BIRC6: variants seen among roughly 807,000 people sequenced by gnomAD.
BIRC6 encodes baculoviral IAP repeat containing 6.
In BIRC6, 98 loss-of-function variants were observed where a neutral mutation model predicts 503.3. The observed-to-expected ratio is 0.19, with a 90% CI of 0.17 to 0.23. BIRC6 has a LOEUF of 0.23. BIRC6 is among the 10% of genes least tolerant of loss of function. BIRC6 has a pLI of 1.00. For missense variants in BIRC6, 5,360 were observed against 5,806.0 expected (o/e 0.92, Z 2.50); for synonymous variants, 2,240 against 2,078.7 (o/e 1.08, Z -2.11).
At chr2:32,493,395 C>A (rs1193642939) in intron 44 of BIRC6, 145 bp from the exon 45 acceptor site, 2 of 620,716 alleles carry the variant, frequency 3.2e-6, no homozygotes, top group Non-Finnish European at 5.1e-6. Flanking sequence ...AATTCATTTC[C>A]TGCTATCATT....
chr2:32,453,846 A>G lies in BIRC6; in HGVS notation c.4657A>G (p.Ser1553Gly). ...KVSSCTAAEG[S>G]FTSLTGLLEV... The stretch of plus-strand genomic sequence containing the variant: ...CAGTAGTTGCACAGCTGCTGAGGGT[A>G]GTTTCACATCTCTCACTGGACTTTT... The change falls in exon 23 of 74, where the codon AGT becomes GGT. Residue 1553 changes from serine to glycine, a missense_variant. Ser to Gly is a moderately conservative substitution (Grantham distance 56, BLOSUM62 0). Transcript: ENST00000421745. 1.2e-6 allele frequency: 2 copies of G among 1,613,794 alleles called. No homozygotes were observed. Among genetic ancestry groups the G allele is most frequent in the Non-Finnish European group, 1.7e-6 (2 of 1,179,726 alleles).
At chr2:32,535,539 G>A (rs938624674) in intron 61 of BIRC6, among the ~76,000 whole-genome samples, 6 of 152,256 alleles carry the variant, frequency 3.9e-5, no homozygotes. Context: ...CCACCTATGA[G>A]TGAGAACATG....
chr2:32,559,277 G>T (rs1370735769), intron 65 of BIRC6, among the ~76,000 whole-genome samples: 2 of 152,212 alleles, frequency 1.3e-5, no homozygotes, highest in African/African-American at 4.8e-5. Flanking sequence ...TCACTTGCCT[G>T]GTTGTAAGCT....
intron 33 of BIRC6, among the ~76,000 whole-genome samples, chr2:32,474,419 C>G (rs770667373): frequency 6.6e-6 from 1 of 152,132 alleles, no homozygotes; most frequent in Non-Finnish European, 1.5e-5. Context: ...TAGTGTGTCT[C>G]TGAGTGAATA....
intron 1 of BIRC6, among the ~76,000 whole-genome samples, chr2:32,377,052 A>G (rs766784118): frequency 4.6e-5 from 7 of 152,142 alleles, no homozygotes; most frequent in African/African-American, 9.7e-5. Context: ...ATGACATCCA[A>G]TAATTCATTT....
chr2:32,476,159 AT>A, intron 33 of BIRC6, 53 bp from the exon 34 acceptor site: 8 of 1,382,280 alleles, frequency 5.8e-6, no homozygotes, highest in Non-Finnish European at 5.8e-6. Flanking sequence ...GAGTATAATA[AT>A]TTTTTTGTTT....
chr2:32,452,111 C>G (rs1345765187), intron 22 of BIRC6, among the ~76,000 whole-genome samples: 1 of 152,090 alleles, frequency 6.6e-6, no homozygotes, highest in Non-Finnish European at 1.5e-5. Context: ...TTTGAATATG[C>G]AAGCATTTTA....
At chr2:32,512,365 T>C (rs1311996620) in intron 53 of BIRC6, among the ~76,000 whole-genome samples, 2 of 152,154 alleles carry the variant, frequency 1.3e-5, no homozygotes, top group Non-Finnish European at 2.9e-5. Context: ...CAAAATTGGG[T>C]GTGTTTTACT....
intron 1 of BIRC6, among the ~76,000 whole-genome samples, chr2:32,369,326 T>C (rs1401197359): frequency 6.6e-6 from 1 of 152,102 alleles, no homozygotes; most frequent in Non-Finnish European, 1.5e-5. Context: ...GAGCTCTAAA[T>C]AGAAATTCGC....
chr2:32,494,957 G>A (rs1470017824), intron 45 of BIRC6, among the ~76,000 whole-genome samples: 1 of 152,092 alleles, frequency 6.6e-6, no homozygotes, highest in Non-Finnish European at 1.5e-5. Flanking sequence ...AGTGACTATT[G>A]CCACTTTTTT....
At chr2:32,395,827 C>G (rs1188270866) in intron 6 of BIRC6, among the ~76,000 whole-genome samples, 1 of 152,134 alleles carries the variant, frequency 6.6e-6, no homozygotes, top group Non-Finnish European at 1.5e-5. Flanking sequence ...ACAGTAGAAC[C>G]ACGCTCTAAC....
intron 8 of BIRC6, among the ~76,000 whole-genome samples, chr2:32,402,875 TA>T (rs2040750929): frequency 6.6e-6 from 1 of 152,330 alleles, no homozygotes; most frequent in Admixed American, 6.5e-5. Context: ...GGAATCAAAA[TA>T]TACTTCTAGG....
chr2:32,494,088 A>G (rs1354747490), intron 45 of BIRC6, among the ~76,000 whole-genome samples: 1 of 152,230 alleles, frequency 6.6e-6, no homozygotes, highest in Non-Finnish European at 1.5e-5. Flanking sequence ...TATTAACAAA[A>G]TCAGACTCCA....
chr2:32,496,032 G>A (rs113410829), intron 45 of BIRC6, among the ~76,000 whole-genome samples: 445 of 151,768 alleles, frequency 2.9e-3, no homozygotes, highest in Non-Finnish European at 5.6e-3. Context: ...TAGTAGAGAC[G>A]GGGTTTCACC....
chr2:32,397,949 C>G (rs1267839688), intron 6 of BIRC6, among the ~76,000 whole-genome samples: 1 of 151,978 alleles, frequency 6.6e-6, no homozygotes, highest in Non-Finnish European at 1.5e-5. Flanking sequence ...TGGGATTCCT[C>G]AAACACTCAA....
At chr2:32,381,636 C>T (rs374625778) in intron 3 of BIRC6, among the ~76,000 whole-genome samples, 33 of 151,128 alleles carry the variant, frequency 2.2e-4, no homozygotes, top group Non-Finnish European at 3.1e-4. Flanking sequence ...ACCTCCGCCT[C>T]GTGGATTCAA....
intron 24 of BIRC6, 61 bp downstream of exon 24, chr2:32,463,442 CT>C: frequency 6.9e-7 from 1 of 1,439,666 alleles, no homozygotes; most frequent in South Asian, 1.5e-5. Context: ...TGAAAAAGTA[CT>C]TTAAAAATGA....
chr2:32,447,595 A>G (rs867579448), intron 21 of BIRC6, among the ~76,000 whole-genome samples: 58 of 59,538 alleles, frequency 9.7e-4, no homozygotes, highest in African/African-American at 1.7e-3. Context: ...GCGGCTGGCC[A>G]GGCGGGGGGC....
chr2:32,357,235 C>A lies in BIRC6; in HGVS notation c.74C>A (p.Ala25Glu), dbSNP rs1157282972. 6.5e-7 allele frequency: 1 copy of A among 1,527,892 alleles called. No homozygotes were observed. The highest frequency in any genetic ancestry group is 2.1e-5 in the Admixed American group (1 of 47,966). The allele number at this position is 1,527,892 out of a possible 1,614,324, so 94.6% of individuals were successfully genotyped here. A position where few individuals can be genotyped will look rare whatever the true frequency, so the allele number is the denominator to read the frequency against. The change falls in exon 1 of 74, where the codon GCA becomes GAA. Residue 25 changes from alanine (A) to glutamate (E), a missense_variant. Physicochemically the swap from Ala to Glu is moderately radical, Grantham distance 107 (BLOSUM62 -1). Around this residue, in one of 16 missense-constraint regions of BIRC6, gnomAD observed 145 missense variants for 106.9 expected, o/e 1.36. Transcript: ENST00000421745. This position sits in a 1 kb window ranked among gnomAD's most constrained non-coding sequence, Gnocchi z 4.9. ...CTTCCCAGTGTGATTGTGCTGAGCG[C>A]AGGCCGGAAGATGGCGGCTGCGGCT... ...EPLPSVIVLSAGRKMAAAAAA... is the reference protein window; with the variant it reads ...EPLPSVIVLSEGRKMAAAAAA...
Sources: gnomAD v4.1 joint callset for allele counts (sites outside exome capture counted in the v4.1 genomes callset) on GRCh38, gnomAD v4.1.1 for gene constraint, gnomAD v4.1.1 regional missense constraint, Gnocchi (gnomAD v3.1) non-coding constraint, MANE v1.5 for transcripts, NCBI Gene and HGNC (gene_info 2026-07-23, HGNC 2026-07-21) for gene names.